The following HIVEP3 variants were observed in gnomAD, a reference collection of about 807,000 sequenced individuals.
The protein encoded by HIVEP3 is HIVEP zinc finger 3.
HIVEP3 carries 49 observed loss-of-function variants against 152.8 expected under a neutral mutation model. That is an observed-to-expected ratio of 0.32 (90% CI 0.26 to 0.41). The LOEUF is 0.41. Among genes scored for constraint, HIVEP3 ranks in the 10% least tolerant of loss-of-function variants. HIVEP3 has a pLI of 1.00. For missense variants in HIVEP3, 2,790 were observed against 3,103.3 expected (o/e 0.90, Z 2.40); for synonymous variants, 1,269 against 1,289.0 (o/e 0.98, Z 0.33).
rs573657859 is a variant in HIVEP3 at position 41,990,714 on chromosome 1, C to T, written n.119+45093G>A. On this transcript the variant is annotated intron_variant and non_coding_transcript_variant, in intron 1 of 3. Transcript: ENST00000489103. ...AGAATATATATTTTTTTCAGCACCA[C>T]ACCACACCTATTCCAAAATTGACCA... Among the ~76,000 whole-genome samples the T allele has an allele frequency of 1.6e-4, 24 of 150,574 alleles. No individual in the cohort carries two copies. In the South Asian group the frequency reaches 4.7e-3, roughly 29 times the overall value.
chr1:41,597,021 G>A (rs1432712076), intron 3 of HIVEP3, among the ~76,000 whole-genome samples: 5 of 152,104 alleles, frequency 3.3e-5, no homozygotes, highest in African/African-American at 1.2e-4. Context: ...CTGTCTGGGA[G>A]GCTCTTAAAT....
chr1:41,732,555 G>T (rs974765726), intron 1 of HIVEP3, among the ~76,000 whole-genome samples: 1 of 152,084 alleles, frequency 6.6e-6, no homozygotes, highest in Non-Finnish European at 1.5e-5. Context: ...TAGCCTTGGG[G>T]TGGGGGGTGA....
At position 41,816,237 on chromosome 1, in the gene HIVEP3, T is replaced by C. The variant is rs535688348; in HGVS notation, c.-801+102176A>G. 7.9e-5 allele frequency among the ~76,000 whole-genome samples: 12 copies of C among 152,306 alleles called. No homozygotes were observed. The South Asian group carries it at 2.5e-3, about 32-fold the overall frequency. ...TTGCCAGCATTGAACAGAAAGCACATTCTTGTGTGGCATTTTGCTTATGGC... is the reference window on the plus strand; with the variant it reads ...TTGCCAGCATTGAACAGAAAGCACACTCTTGTGTGGCATTTTGCTTATGGC... On this transcript the variant is annotated intron_variant, in intron 1 of 8. Transcript: ENST00000372583.
In HIVEP3 at chr1:41,580,987, C is replaced by T. The variant is rs1385411739; in HGVS notation, c.3811G>A (p.Gly1271Arg). The T allele has an allele frequency of 6.3e-7, 1 of 1,578,394 alleles. No individual in the cohort carries two copies. The highest frequency in any genetic ancestry group is 8.6e-7 in the Non-Finnish European group (1 of 1,161,038). Reference protein sequence around the residue: ...IKTSLAPLATGSAGLSPSTEY... With the variant: ...IKTSLAPLATRSAGLSPSTEY... ...GTGCTGGGGGAGAGGCCAGCACTTC[C>T]TGTTGCCAGTGGGGCCAGGCTGGTT... Residue 1271 changes from glycine (G) to arginine (R), a missense_variant, in exon 4 of 9, where the codon GGA (glycine) becomes AGA (arginine). By Grantham distance (125) the Gly-to-Arg change is moderately radical. Coordinates refer to ENST00000372583, the MANE Select transcript of HIVEP3 (RefSeq NM_024503.5).
At chr1:41,963,900 G>C (rs1322101025) in intron 1 of HIVEP3, among the ~76,000 whole-genome samples, 3 of 152,134 alleles carry the variant, frequency 2.0e-5, no homozygotes, top group Non-Finnish European at 4.4e-5. Context: ...AATATGACTA[G>C]AGCTTATATA....
intron 1 of HIVEP3, among the ~76,000 whole-genome samples, chr1:41,707,331 G>C (rs547743471): frequency 1.3e-5 from 2 of 152,338 alleles, no homozygotes; most frequent in East Asian, 3.9e-4. Context: ...CTAGAAACCA[G>C]AACTACCACG....
Position 41,582,929 on chromosome 1 carries a change from G to T in HIVEP3, c.1869C>A (p.Pro623=). Residue 623 remains proline, a synonymous_variant, in exon 4 of 9, where the codon CCC becomes CCA. Transcript: ENST00000372583. This position sits in a 1 kb window ranked among gnomAD's most constrained non-coding sequence, Gnocchi z 4.7. ...TASKPSDEVE[P]KESELTKKTK... ...TCTTTTTGGTAAGCTCGCTTTCCTT[G>T]GGTTCCACTTCGTCCGAGGGCTTGG... 1 of 1,614,008 alleles carries T rather than the reference G, an allele frequency of 6.2e-7. No individual in the cohort carries two copies. Among genetic ancestry groups the T allele is most frequent in the Non-Finnish European group, 8.5e-7 (1 of 1,180,018 alleles).
intron 1 of HIVEP3, among the ~76,000 whole-genome samples, chr1:41,989,844 A>G (rs567713814): frequency 0.015 from 2,250 of 147,578 alleles, 44 homozygotes; most frequent in African/African-American, 0.05. Context: ...TTTCCTGAAT[A>G]CAGCACACTG....
At position 41,883,015 on chromosome 1, in the gene HIVEP3, T is replaced by C. The variant is rs1485061144; in HGVS notation, c.-801+35398A>G. 6.6e-5 allele frequency among the ~76,000 whole-genome samples: 10 copies of C among 152,038 alleles called. 1 individual carries two copies. Among genetic ancestry groups the C allele is most frequent in the African/African-American group, 1.2e-4 (5 of 41,380 alleles). On this transcript the variant is annotated intron_variant, in intron 1 of 8. Transcript: ENST00000372583. ...CTAGGAGCGGGGAGCCAGCTGGCTA[T>C]TTAGGAGGCTTGGAGGTTAAAGCGA...
intron 1 of HIVEP3, among the ~76,000 whole-genome samples, chr1:41,902,586 G>T (rs1451264993): frequency 6.6e-6 from 1 of 152,216 alleles, no homozygotes; most frequent in East Asian, 1.9e-4. Flanking sequence ...TGGCAAGAGG[G>T]TAATCCTTTG....
At chr1:41,698,347 T>C (rs1646308576) in intron 2 of HIVEP3, among the ~76,000 whole-genome samples, 1 of 152,090 alleles carries the variant, frequency 6.6e-6, no homozygotes, top group Admixed American at 6.5e-5. Context: ...TTCATCTCCA[T>C]CCCAGCACCC....
intron 2 of HIVEP3, among the ~76,000 whole-genome samples, chr1:41,689,187 T>C (rs1252516794): frequency 5.3e-5 from 8 of 152,242 alleles, no homozygotes; most frequent in African/African-American, 1.9e-4. Flanking sequence ...TGCAAATAAA[T>C]GTTTTCCTGG....
intron 1 of HIVEP3, among the ~76,000 whole-genome samples, chr1:41,846,561 C>A (rs955129043): frequency 6.6e-6 from 1 of 152,194 alleles, no homozygotes; most frequent in Non-Finnish European, 1.5e-5. Context: ...TACACCTGAA[C>A]GTGTTCGCTG....
At chr1:41,911,247 G>A (rs115397677) in intron 1 of HIVEP3, among the ~76,000 whole-genome samples, 1,623 of 152,224 alleles carry the variant, frequency 0.011, 24 homozygotes, top group African/African-American at 0.027. Context: ...GGTCAACAGC[G>A]TATGAAAAGA....
chr1:41,608,678 A>G (rs1644855291), intron 3 of HIVEP3, among the ~76,000 whole-genome samples: 1 of 152,150 alleles, frequency 6.6e-6, no homozygotes, highest in African/African-American at 2.4e-5. Context: ...TGTCTGTGCA[A>G]TCTCATGGGC....
At chr1:41,923,818 C>A (rs1644953317), upstream of HIVEP3, among the ~76,000 whole-genome samples, 2 of 152,114 alleles carry the variant, frequency 1.3e-5, no homozygotes, top group Non-Finnish European at 2.9e-5. Flanking sequence ...TAAAAATATT[C>A]TATTTTCACA....
At chr1:41,607,527 ATAC>A (rs35020535) in intron 3 of HIVEP3, among the ~76,000 whole-genome samples, 4,059 of 152,274 alleles carry the variant, frequency 0.027, 189 homozygotes, top group African/African-American at 0.092. Context: ...ACTGTTAAGG[ATAC>A]TACTGATAAT....
At chr1:41,780,638 C>T (rs1241986307) in intron 1 of HIVEP3, among the ~76,000 whole-genome samples, 3 of 152,154 alleles carry the variant, frequency 2.0e-5, no homozygotes, top group African/African-American at 7.2e-5. Context: ...AGAGGTCAAA[C>T]CAGTGAATAG....
intron 1 of HIVEP3, among the ~76,000 whole-genome samples, chr1:41,816,898 A>T (rs1651305748): frequency 6.6e-6 from 1 of 152,120 alleles, no homozygotes; most frequent in Admixed American, 6.6e-5. Flanking sequence ...ACCCTTCCAG[A>T]TTCAGCTCAA....
Sources: gnomAD v4.1 joint callset for allele counts (sites outside exome capture counted in the v4.1 genomes callset) on GRCh38, gnomAD v4.1.1 for gene constraint, Gnocchi (gnomAD v3.1) non-coding constraint, MANE v1.5 for transcripts, NCBI Gene and HGNC (gene_info 2026-07-23, HGNC 2026-07-21) for gene names.